RBP2: variants seen among roughly 807,000 people sequenced by gnomAD.
RBP2 encodes retinol-binding protein 2.
A neutral mutation model predicts 17.0 loss-of-function variants in RBP2; 17 were observed. The observed-to-expected ratio is 1.00, with a 90% CI of 0.68 to 1.50. RBP2 has a LOEUF of 1.50. RBP2 is among the 40% of genes most tolerant of loss of function. The pLI is 0.00. For synonymous variants in RBP2, 48 were observed against 57.1 expected (o/e 0.84, Z 0.72); for missense variants, 158 against 168.2 (o/e 0.94, Z 0.33).
chr3:139,474,266 G>A (rs1421300027), intron 1 of RBP2, among the ~76,000 whole-genome samples: 1 of 152,136 alleles, frequency 6.6e-6, no homozygotes, highest in Non-Finnish European at 1.5e-5. Context: ...GAGTCCAGAG[G>A]AAGGCTGTTG....
At chr3:139,460,995 A>G (rs1933167717) in intron 2 of RBP2, among the ~76,000 whole-genome samples, 1 of 152,222 alleles carries the variant, frequency 6.6e-6, no homozygotes, top group South Asian at 2.1e-4. Flanking sequence ...TGGACTGCAT[A>G]TCCCTGGGGT....
intron 1 of RBP2, among the ~76,000 whole-genome samples, chr3:139,469,687 G>GTCTATCTA (rs543597083): frequency 0.05 from 6,592 of 132,892 alleles, 167 homozygotes; most frequent in Admixed American, 0.059. Flanking sequence ...CTGTCTGTCT[G>GTCTATCTA]TCTATCTATC....
intron 1 of RBP2, among the ~76,000 whole-genome samples, chr3:139,476,150 G>A (rs1468083359): frequency 6.6e-6 from 1 of 152,002 alleles, no homozygotes; most frequent in Non-Finnish European, 1.5e-5. Flanking sequence ...GTTTTCTGTG[G>A]GCCAGGCACT....
At chr3:139,468,124 T>C (rs961619887) in intron 1 of RBP2, among the ~76,000 whole-genome samples, 4 of 152,128 alleles carry the variant, frequency 2.6e-5, no homozygotes, top group Non-Finnish European at 1.5e-5. Context: ...AAGGAATAAT[T>C]GAAAATCTAC....
chr3:139,465,066 T>C (rs953397927), intron 1 of RBP2, among the ~76,000 whole-genome samples: 16 of 152,238 alleles, frequency 1.1e-4, no homozygotes, highest in African/African-American at 3.6e-4. Context: ...TGTCTAAATA[T>C]ACATGGCTGA....
chr3:139,453,253 A>T, intron 3 of RBP2, 87 bp from the exon 4 acceptor site: 1 of 1,469,068 alleles, frequency 6.8e-7, no homozygotes, highest in Non-Finnish European at 9.5e-7. Context: ...TGGGGGTGGG[A>T]GGTTGGAATA....
intron 2 of RBP2, among the ~76,000 whole-genome samples, chr3:139,459,075 C>T (rs1454154826): frequency 6.6e-6 from 1 of 152,120 alleles, no homozygotes; most frequent in Non-Finnish European, 1.5e-5. Context: ...ACATGCACCT[C>T]TCCTCCACAC....
intron 1 of RBP2, among the ~76,000 whole-genome samples, chr3:139,464,144 T>G (rs1439246864): frequency 6.6e-6 from 1 of 152,120 alleles, no homozygotes; most frequent in African/African-American, 2.4e-5. Flanking sequence ...CCCATTTCCT[T>G]TCTGACCCAT....
intron 1 of RBP2, among the ~76,000 whole-genome samples, chr3:139,465,566 C>T (rs1354927933): frequency 6.6e-6 from 1 of 152,158 alleles, no homozygotes; most frequent in Non-Finnish European, 1.5e-5. Flanking sequence ...CTGTGCTCCC[C>T]AAGCTCTGGG....
rs779324968 is a variant in RBP2, at chr3:139,454,837, A to G, written c.253-7T>C. The G allele has an allele frequency of 2.5e-6, 4 of 1,613,630 alleles. No homozygotes were observed. Among genetic ancestry groups the G allele is most frequent in the East Asian group, 4.5e-5 (2 of 44,872 alleles). On this transcript the variant is annotated splice_region_variant and splice_polypyrimidine_tract_variant and intron_variant, in intron 2 of 3. Coordinates refer to ENST00000232217, the MANE Select transcript of RBP2 (RefSeq NM_004164.3). ...CTTCCCAGGTGACCAGTGCCTGTAAAGACAGATTCCCAGGCAAATCAAACA... is the reference window on the plus strand; with the variant it reads ...CTTCCCAGGTGACCAGTGCCTGTAAGGACAGATTCCCAGGCAAATCAAACA...
chr3:139,458,012 C>T lies in RBP2; in HGVS notation c.253-3182G>A, dbSNP rs1039434721. On this transcript the variant is annotated intron_variant, in intron 2 of 3. Transcript: ENST00000232217. ...TACCTTAATTATTAGGAAATACATA[C>T]GGAAGTATTTAGGGCTAAGGCATCT... 4.6e-5 allele frequency among the ~76,000 whole-genome samples: 7 copies of T among 152,074 alleles called. No individual in the cohort carries two copies. The South Asian group carries it at 6.2e-4, about 14-fold the overall frequency.
chr3:139,466,638 C>T (rs1161803084), intron 1 of RBP2: 1 of 152,240 alleles, frequency 6.6e-6, no homozygotes, highest in Non-Finnish European at 1.5e-5. Context: ...AGGGCAGTGG[C>T]CGTATGTGGA....
At chr3:139,460,321 T>G (rs1455148913) in intron 2 of RBP2, among the ~76,000 whole-genome samples, 1 of 152,134 alleles carries the variant, frequency 6.6e-6, no homozygotes, top group Non-Finnish European at 1.5e-5. Context: ...AAGTGGACAT[T>G]CCAGGGCCCA....
At chr3:139,475,840 T>A (rs888532739) in intron 1 of RBP2, among the ~76,000 whole-genome samples, 1 of 152,224 alleles carries the variant, frequency 6.6e-6, no homozygotes, top group African/African-American at 2.4e-5. Context: ...GCCCTTGGCC[T>A]GGAACCCAGT....
At chr3:139,460,546 C>T (rs1576422124) in intron 2 of RBP2, among the ~76,000 whole-genome samples, 3 of 152,206 alleles carry the variant, frequency 2.0e-5, no homozygotes, top group African/African-American at 7.2e-5. Flanking sequence ...ACAGCTTTTC[C>T]TCCCCACCCC....
chr3:139,466,193 GA>G (rs1241268451), intron 1 of RBP2, among the ~76,000 whole-genome samples: 1 of 152,278 alleles, frequency 6.6e-6, no homozygotes, highest in East Asian at 1.9e-4. Context: ...GAAGGTAGAG[GA>G]TGCACCTTTT....
Position 139,463,481 on chromosome 3 carries a change from C to T in RBP2, c.74-1191G>A, listed in dbSNP as rs192915005. ...GATTACAGGCATGAGCCACTGTGCCCGGCCTCTTCTGTTGTTTTTAAGGGA... is the reference window on the plus strand; with the variant it reads ...GATTACAGGCATGAGCCACTGTGCCTGGCCTCTTCTGTTGTTTTTAAGGGA... On this transcript the variant is annotated intron_variant, in intron 1 of 3. Transcript: ENST00000232217. Among the ~76,000 whole-genome samples the T allele has an allele frequency of 1.4e-3, 219 of 152,296 alleles. 1 individual carries two copies. Among genetic ancestry groups the T allele is most frequent in the African/African-American group, 4.5e-3 (185 of 41,566 alleles).
chr3:139,460,576 G>A (rs548209399), intron 2 of RBP2, among the ~76,000 whole-genome samples: 1 of 152,308 alleles, frequency 6.6e-6, no homozygotes, highest in East Asian at 1.9e-4. Flanking sequence ...GTCAGAGCTT[G>A]TGCCCATTGC....
intron 3 of RBP2, among the ~76,000 whole-genome samples, chr3:139,453,465 G>T (rs1943345877): frequency 2.0e-5 from 3 of 152,222 alleles, no homozygotes; most frequent in Admixed American, 2.0e-4. Context: ...TTTATAAAAG[G>T]CAGCGAAGCC....
Sources: allele counts gnomAD v4.1 joint callset (sites outside exome capture counted in the v4.1 genomes callset), GRCh38; gene constraint gnomAD v4.1.1; transcripts MANE v1.5; gene names NCBI Gene and HGNC (gene_info 2026-07-23, HGNC 2026-07-21).